The following DCHS1 variants were observed in gnomAD, a reference collection of about 807,000 sequenced individuals.
DCHS1 encodes the protein dachsous cadherin-related 1.
A neutral mutation model predicts 213.9 loss-of-function variants in DCHS1; 78 were observed. The ratio of observed to expected loss-of-function variants is 0.36; its 90% confidence interval spans 0.30 to 0.44. The LOEUF (loss-of-function observed/expected upper bound fraction) is 0.44. Among genes scored for constraint, DCHS1 ranks in the 20% least tolerant of loss-of-function variants. The pLI is 1.00. For synonymous variants in DCHS1, 1,828 were observed against 1,873.7 expected, an observed-to-expected ratio of 0.98 and a Z score of 0.63; for missense variants, 3,946 against 4,395.9, an observed-to-expected ratio of 0.90 and a Z score of 2.89.
In DCHS1 at chr11:6,641,419, A is replaced by G. The variant is rs1413605325; in HGVS notation, c.195T>C (p.Ser65=). ...CTGCCGTGCCTGCCGGAAGCCCCGC[A>G]CTGATGTCGCCAATCAGTGTACCCG... The part of the protein sequence containing the change: ...QPAGTLIGDI[S]AGLPAGTAAP... The change falls in exon 2 of 21, where the codon AGT becomes AGC. Residue 65 remains serine, a synonymous_variant. Transcript: ENST00000299441. The surrounding 1 kb of genome is among the most constrained non-coding windows in gnomAD (Gnocchi z 7.1). 1 of 1,613,116 alleles carries G rather than the reference A, an allele frequency of 6.2e-7. No individual in the cohort carries two copies. The highest frequency in any genetic ancestry group is 8.5e-7 in the Non-Finnish European group (1 of 1,179,758).
chr11:6,631,507 CT>C lies in DCHS1; in HGVS notation c.3676-101del, dbSNP rs560122816. The C allele has an allele frequency of 1.1e-3, 1,688 of 1,586,414 alleles. 20 individuals are homozygous for C. In the African/African-American group the frequency reaches 0.019, roughly 18 times the overall value. ...GTGGGCAGGCAGAACCTCTTTTCGG[CT>C]CTCACACCCAATCCAGGAGGCAGTC... On this transcript the variant is annotated intron_variant, in intron 7 of 20. Coordinates refer to ENST00000299441, the MANE Select transcript of DCHS1 (RefSeq NM_003737.4).
At chr11:6,643,404 T>C (rs1027990911) in intron 1 of DCHS1, among the ~76,000 whole-genome samples, 4 of 152,174 alleles carry the variant, frequency 2.6e-5, no homozygotes, top group African/African-American at 9.7e-5. Context: ...TCCAAACATC[T>C]CCATGTTCTA....
rs1855934643 is a variant in DCHS1 at position 6,632,897 on chromosome 11, G to A, written c.2615C>T (p.Pro872Leu). The part of the protein sequence containing the change: ...ELEVRAGSGV[P>L]PAFAVARVRV... ...CACCCGAGCTACAGCGAAAGCTGGGGGCACTCCACTGCCTGCTCGCACCTC... is the reference window on the plus strand; with the variant it reads ...CACCCGAGCTACAGCGAAAGCTGGGAGCACTCCACTGCCTGCTCGCACCTC... The change falls in exon 6 of 21, where the codon CCC becomes CTC. Residue 872 changes from proline (P) to leucine (L), a missense_variant. Coordinates refer to ENST00000299441, the MANE Select transcript of DCHS1 (RefSeq NM_003737.4). This position sits in a 1 kb window ranked among gnomAD's most constrained non-coding sequence, Gnocchi z 5.9. 3 of 1,614,036 alleles carry A rather than the reference G, an allele frequency of 1.9e-6. No individual in the cohort carries two copies. The East Asian group carries it at 6.7e-5, about 36-fold the overall frequency.
chr11:6,640,189 C>T lies in DCHS1; in HGVS notation c.1425G>A (p.Gln475=). ...CAGGCAGGGGCTCAGGTCGGTAGAG[C>T]TGGCGGTCAAAGGCAGGTGCATTGT... ...VNDNAPAFDR[Q]LYRPEPLPEV... Residue 475 remains glutamine (Q), a synonymous_variant, in exon 2 of 21, where the codon CAG becomes CAA. Transcript: ENST00000299441. The surrounding 1 kb of genome is among the most constrained non-coding windows in gnomAD (Gnocchi z 6.5). 6.2e-7 allele frequency: 1 copy of T among 1,613,736 alleles called. No individual in the cohort carries two copies. The highest frequency in any genetic ancestry group is 2.2e-5 in the East Asian group (1 of 44,876).
chr11:6,655,042 G>A (rs1227654691), intron 1 of DCHS1, among the ~76,000 whole-genome samples: 1 of 151,966 alleles, frequency 6.6e-6, no homozygotes, highest in Admixed American at 6.5e-5. Flanking sequence ...CTGCTTCTCT[G>A]TACTTCTCCC....
chr11:6,626,278 A>T lies in DCHS1; in HGVS notation c.6467T>A (p.Val2156Glu), dbSNP rs148323523. ...AESGGAFAFT[V>E]LTLTLQDAND... ...GGCATCTTGCAGGGTCAGGGTCAGC[A>T]CAGTGAAGGCAAAGGCTCCTCCACT... Residue 2156 changes from valine to glutamate, a missense_variant, in exon 16 of 21, where the codon GTG (valine) becomes GAG (glutamate). Physicochemically the swap from Val to Glu is moderately radical, Grantham distance 121. Around this residue, in one of 3 missense-constraint regions of DCHS1, gnomAD observed 3,384 missense variants for 3,780.1 expected, o/e 0.90. Transcript: ENST00000299441. The surrounding 1 kb of genome is among the most constrained non-coding windows in gnomAD (Gnocchi z 5.2). 224 of 1,613,256 alleles carry T rather than the reference A, an allele frequency of 1.4e-4. No homozygotes were observed. Among genetic ancestry groups the T allele is most frequent in the Middle Eastern group, 8.3e-4 (5 of 6,060 alleles).
rs753513428 is a variant in DCHS1, at chr11:6,622,216, C to T, written c.9460G>A (p.Glu3154Lys). 14 of 1,600,552 alleles carry T rather than the reference C, an allele frequency of 8.7e-6. No homozygotes were observed. Among genetic ancestry groups the T allele is most frequent in the East Asian group, 2.3e-5 (1 of 44,426 alleles). ...TTATAGCTGCCACGGAGCTCCTCCT[C>T]GCCGGCCACAATGGCTGTCAGCGCA... is the stretch of plus-strand genomic sequence containing the variant. ...AGALTAIVAG[E>K]EELRGSYNWD... Residue 3154 changes from glutamate (E) to lysine (K), a missense_variant, in exon 21 of 21, where the codon GAG becomes AAG. Physicochemically the swap from Glu to Lys is moderately conservative, Grantham distance 56. Transcript: ENST00000299441. This position sits in a 1 kb window ranked among gnomAD's most constrained non-coding sequence, Gnocchi z 5.4.
rs757811468 is a variant in DCHS1, at chr11:6,628,806, G to A, written c.5186C>T (p.Pro1729Leu). 6.2e-7 allele frequency: 1 copy of A among 1,613,782 alleles called. No individual in the cohort carries two copies. Among genetic ancestry groups the A allele is most frequent in the South Asian group, 1.1e-5 (1 of 91,010 alleles). Residue 1729 changes from proline (P) to leucine (L), a missense_variant, in exon 13 of 21, where the codon CCT becomes CTT. Pro to Leu is a moderately conservative substitution (Grantham distance 98). Coordinates refer to ENST00000299441, the MANE Select transcript of DCHS1 (RefSeq NM_003737.4). This position sits in a 1 kb window ranked among gnomAD's most constrained non-coding sequence, Gnocchi z 4.3. ...AACAGTGACATGCGTTAACTGAGGA[G>A]GTGAGCCCCTGTCCTGGGCATACAC... ...LTVYAQDRGS[P>L]PQLTHVTVRV...
At position 6,629,813 on chromosome 11, in the gene DCHS1, T is replaced by C. The variant is rs766150240; in HGVS notation, c.4894A>G (p.Thr1632Ala). 1.2e-6 allele frequency: 2 copies of C among 1,613,322 alleles called. No homozygotes were observed. The highest frequency in any genetic ancestry group is 1.7e-6 in the Non-Finnish European group (2 of 1,179,890). Residue 1632 changes from threonine to alanine, a missense_variant, in exon 11 of 21, where the codon ACG (threonine) becomes GCG (alanine). Transcript: ENST00000299441. ...SDHGSPPRSA[T>A]QVLTVSVADV... ...GCGACACTGACGGTCAGGACCTGCG[T>C]GGCCGAGCGCGGCGGGGAGCCGTGG...
At chr11:6,643,846 A>T (rs566759849) in intron 1 of DCHS1, among the ~76,000 whole-genome samples, 48 of 152,204 alleles carry the variant, frequency 3.2e-4, no homozygotes, top group Middle Eastern at 3.4e-3. Flanking sequence ...CTTCCCCTCC[A>T]TTCCTTTTCC....
Position 6,632,329 on chromosome 11 carries a change from G to A in DCHS1, c.3183C>T (p.Asp1061=), listed in dbSNP as rs372469870. The A allele has an allele frequency of 1.4e-5, 23 of 1,613,826 alleles. No homozygotes were observed. The highest frequency in any genetic ancestry group is 1.2e-4 in the South Asian group (11 of 91,088). The change falls in exon 6 of 21, where the codon GAC becomes GAT. Residue 1061 remains aspartate (D), a synonymous_variant. Transcript: ENST00000299441. The surrounding 1 kb of genome is among the most constrained non-coding windows in gnomAD (Gnocchi z 5.9). ...SGWLWVRAAL[D]REAQELYILK... is the part of the protein sequence containing the mutation. ...GTATGTACAATTCCTGGGCCTCACG[G>A]TCTAGTGCTGCCCGCACCCATAGCC...
chr11:6,632,840 G>T lies in DCHS1; in HGVS notation c.2672C>A (p.Ser891Tyr). The T allele has an allele frequency of 6.2e-7, 1 of 1,614,028 alleles. No individual in the cohort carries two copies. The highest frequency in any genetic ancestry group is 8.5e-7 in the Non-Finnish European group (1 of 1,179,888). The change falls in exon 6 of 21, where the codon TCC (serine) becomes TAC (tyrosine). Residue 891 changes from serine (S) to tyrosine (Y), a missense_variant. By Grantham distance (144) the Ser-to-Tyr change is moderately radical. This residue lies in a region of DCHS1 where 3,384 missense variants were observed against 3,780.1 expected (regional missense o/e 0.90). Coordinates refer to ENST00000299441, the MANE Select transcript of DCHS1 (RefSeq NM_003737.4). This position sits in a 1 kb window ranked among gnomAD's most constrained non-coding sequence, Gnocchi z 5.9. ...RVLLDDVNDN[S>Y]PAFPAPEDTV... ...GTCTTCAGGTGCAGGAAAGGCAGGGGAGTTGTCATTCACATCATCCAGCAG... is the reference window on the plus strand; with the variant it reads ...GTCTTCAGGTGCAGGAAAGGCAGGGTAGTTGTCATTCACATCATCCAGCAG...
intron 1 of DCHS1, among the ~76,000 whole-genome samples, chr11:6,645,951 C>T (rs1306144254): frequency 2.6e-5 from 4 of 152,056 alleles, no homozygotes; most frequent in Non-Finnish European, 5.9e-5. Context: ...ACACAGAGAC[C>T]CTTTCACATA....
rs1855840149 is a variant in DCHS1 at position 6,628,056 on chromosome 11, G to T, written c.5372-389C>A. On this transcript the variant is annotated intron_variant, in intron 13 of 20. Coordinates refer to ENST00000299441, the MANE Select transcript of DCHS1 (RefSeq NM_003737.4). The surrounding 1 kb of genome is among the most constrained non-coding windows in gnomAD (Gnocchi z 4.3). ...TTCCTGTGTGTTCTAGAATATTCTAGACAGAAAGTTTAGAGCATGAATCTG... is the reference window on the plus strand; with the variant it reads ...TTCCTGTGTGTTCTAGAATATTCTATACAGAAAGTTTAGAGCATGAATCTG... Among the ~76,000 whole-genome samples the T allele has an allele frequency of 6.6e-6, 1 of 152,208 alleles. No homozygotes were observed. The highest frequency in any genetic ancestry group is 1.5e-5 in the Non-Finnish European group (1 of 68,040).
intron 2 of DCHS1, chr11:6,634,820 G>A (rs2134636097): frequency 6.6e-6 from 1 of 152,248 alleles, no homozygotes; most frequent in African/African-American, 2.4e-5. Context: ...AGGGACATTT[G>A]TTTACAAGCA....
chr11:6,633,286 G>T (rs1855941153), intron 5 of DCHS1, 126 bp downstream of exon 5: 1 of 1,101,018 alleles, frequency 9.1e-7, no homozygotes, highest in Non-Finnish European at 1.3e-6. Context: ...GTTGGGCATT[G>T]GTACAGGAGT....
At position 6,640,720 on chromosome 11, in the gene DCHS1, C is replaced by G; in HGVS notation, c.894G>C (p.Gln298His). ...GAVTYEINRR[Q>H]SEGDGPFSID... is the part of the protein sequence containing the mutation. ...TGGAGAAGGGTCCATCACCCTCGCT[C>G]TGCCTCCGGTTGATCTCGTAAGTCA... is the stretch of plus-strand genomic sequence containing the variant. The change falls in exon 2 of 21, where the codon CAG (glutamine) becomes CAC (histidine). Residue 298 changes from glutamine (Q) to histidine (H), a missense_variant. Physicochemically the swap from Gln to His is conservative, Grantham distance 24. Around this residue, in one of 3 missense-constraint regions of DCHS1, gnomAD observed 3,384 missense variants for 3,780.1 expected, o/e 0.90. Transcript: ENST00000299441. This position sits in a 1 kb window ranked among gnomAD's most constrained non-coding sequence, Gnocchi z 6.5. 1.2e-6 allele frequency: 2 copies of G among 1,613,950 alleles called. No homozygotes were observed. Among genetic ancestry groups the G allele is most frequent in the Middle Eastern group, 1.6e-4 (1 of 6,062 alleles).
rs755278880 is a variant in DCHS1, at chr11:6,627,666, A to G, written c.5373T>C (p.Asp1791=). 1 of 1,611,116 alleles carries G rather than the reference A, an allele frequency of 6.2e-7. No homozygotes were observed. The highest frequency in any genetic ancestry group is 2.2e-5 in the East Asian group (1 of 44,826). The change falls in exon 14 of 21, where the codon GAT becomes GAC. Residue 1791 remains aspartate (D), a splice_region_variant and synonymous_variant. Transcript: ENST00000299441. The surrounding 1 kb of genome is among the most constrained non-coding windows in gnomAD (Gnocchi z 5.4). Reference sequence around the variant, plus strand: ...GGACAAAGGCTCCTGATGGGTCCCCATCTGCAGAGAAGGGCATGCACATAT... The same window carrying G: ...GGACAAAGGCTCCTGATGGGTCCCCGTCTGCAGAGAAGGGCATGCACATAT... ...ANGQLQYRIL[D]GDPSGAFVLD... is the part of the protein sequence containing the mutation.
At chr11:6,646,391 G>A (rs1290082990) in intron 1 of DCHS1, among the ~76,000 whole-genome samples, 2 of 151,960 alleles carry the variant, frequency 1.3e-5, no homozygotes, top group African/African-American at 2.4e-5. Flanking sequence ...ACTCTCTCCC[G>A]AGACCGTCTC....
Sources: allele counts gnomAD v4.1 joint callset (sites outside exome capture counted in the v4.1 genomes callset), GRCh38; gene constraint gnomAD v4.1.1; regional missense constraint gnomAD v4.1.1; non-coding constraint Gnocchi (gnomAD v3.1); transcripts MANE v1.5; gene names NCBI Gene and HGNC (gene_info 2026-07-23, HGNC 2026-07-21).